The following RYR2 variants were observed in gnomAD, a reference collection of about 807,000 sequenced individuals.
The protein encoded by RYR2 is cardiac muscle ryanodine receptor-calcium release channel.
In RYR2, 227 loss-of-function variants were observed where a neutral mutation model predicts 601.1. The observed-to-expected ratio is 0.38, with a 90% confidence interval of 0.34 to 0.42. The LOEUF is 0.42. RYR2 is among the 10% of genes least tolerant of loss of function. RYR2 has a pLI of 1.00. For synonymous variants in RYR2, 2,223 were observed against 2,175.1 expected, an observed-to-expected ratio of 1.02 and a Z score of -0.61; for missense variants, 4,646 against 6,156.5, an observed-to-expected ratio of 0.75 and a Z score of 8.21.
At chr1:237,250,116 T>A (rs1280298433) in intron 1 of RYR2, among the ~76,000 whole-genome samples, 1 of 152,226 alleles carries the variant, frequency 6.6e-6, no homozygotes, top group Non-Finnish European at 1.5e-5. Flanking sequence ...GTAAACTGAA[T>A]GGCAGATTGG....
intron 1 of RYR2, among the ~76,000 whole-genome samples, chr1:237,219,062 G>A (rs904160460): frequency 6.9e-6 from 1 of 145,582 alleles, no homozygotes. Flanking sequence ...ACCCAGGCTG[G>A]AGTGCAGTGG....
intron 14 of RYR2, among the ~76,000 whole-genome samples, chr1:237,447,992 ATC>A (rs1657594408): frequency 6.7e-6 from 1 of 149,462 alleles, no homozygotes; most frequent in Non-Finnish European, 1.5e-5. Flanking sequence ...CAATGGCCCT[ATC>A]TCTGCTCACT....
chr1:237,802,155 G>C (rs1450121236), intron 98 of RYR2: 2 of 330,410 alleles, frequency 6.1e-6, no homozygotes. Context: ...ATGCAGATTT[G>C]TGAGTACGTT....
intron 8 of RYR2, among the ~76,000 whole-genome samples, chr1:237,385,817 CTGGATAACAT>C (rs1256831152): frequency 1.3e-5 from 2 of 152,164 alleles, no homozygotes; most frequent in Non-Finnish European, 2.9e-5. Context: ...TACGTGTTTA[CTGGATAACAT>C]TGCCAGATGC....
intron 41 of RYR2, 65 bp downstream of exon 41, chr1:237,628,145 G>A (rs1185366030): frequency 1.3e-6 from 2 of 1,528,150 alleles, no homozygotes; most frequent in Non-Finnish European, 1.8e-6. Context: ...TACCTATAGA[G>A]CAGTACATTA....
At chr1:237,173,133 A>G (rs1448224804) in intron 1 of RYR2, among the ~76,000 whole-genome samples, 1 of 152,100 alleles carries the variant, frequency 6.6e-6, no homozygotes, top group Non-Finnish European at 1.5e-5. Flanking sequence ...TCTGCAACCC[A>G]GGTGCCTTGA....
intron 1 of RYR2, among the ~76,000 whole-genome samples, chr1:237,055,104 T>C (rs191134371): frequency 1.3e-5 from 2 of 152,290 alleles, no homozygotes; most frequent in East Asian, 3.9e-4. Context: ...TGATCCCTCA[T>C]TCACCTCTCT....
At position 237,087,069 on chromosome 1, in the gene RYR2, C is replaced by G. The variant is rs76073687; in HGVS notation, c.48+44500C>G. Among the ~76,000 whole-genome samples the G allele has an allele frequency of 9.9e-4, 151 of 152,170 alleles. 2 individuals are homozygous for G. Among genetic ancestry groups the G allele is most frequent in the African/African-American group, 3.5e-3 (146 of 41,516 alleles). On this transcript the variant is annotated intron_variant, in intron 1 of 104. Coordinates refer to ENST00000366574, the MANE Select transcript of RYR2 (RefSeq NM_001035.3). ...CCTTGAGAAAGCAATTCTCAGCACG[C>G]GCAAGTGAAAGGCAGGAGGACCCCT...
chr1:237,086,566 T>C lies in RYR2; in HGVS notation c.48+43997T>C, dbSNP rs1666356832. Among the ~76,000 whole-genome samples, 6 of 152,206 alleles carry C rather than the reference T, an allele frequency of 3.9e-5. No homozygotes were observed. In the South Asian group the frequency reaches 1.2e-3, roughly 32 times the overall value. The stretch of plus-strand genomic sequence containing the variant: ...GTCTGTTACCTTTATCTTACTATGG[T>C]GTTATGATGGGGAGGAAAGGAAGGG... On this transcript the variant is annotated intron_variant, in intron 1 of 104. Coordinates refer to ENST00000366574, the MANE Select transcript of RYR2 (RefSeq NM_001035.3).
chr1:237,558,829 G>A (rs890417801), intron 27 of RYR2, among the ~76,000 whole-genome samples: 4 of 151,956 alleles, frequency 2.6e-5, no homozygotes, highest in African/African-American at 9.7e-5. Flanking sequence ...CTTGACTAAC[G>A]GACTTATCTT....
At chr1:237,193,003 A>G (rs1347085681) in intron 1 of RYR2, among the ~76,000 whole-genome samples, 1 of 151,898 alleles carries the variant, frequency 6.6e-6, no homozygotes, top group Non-Finnish European at 1.5e-5. Flanking sequence ...TTTCTCTAAA[A>G]ATTACCTTTC....
At chr1:237,309,893 G>A (rs892770439) in intron 2 of RYR2, among the ~76,000 whole-genome samples, 6 of 152,170 alleles carry the variant, frequency 3.9e-5, no homozygotes, top group African/African-American at 1.4e-4. Flanking sequence ...CACTGCCCGG[G>A]GCCGGCAGTG....
In RYR2 at chr1:237,371,346, G is replaced by A. The variant is rs201590199; in HGVS notation, c.384+1738G>A. Among the ~76,000 whole-genome samples, 4 of 151,816 alleles carry A rather than the reference G, an allele frequency of 2.6e-5. No individual in the cohort carries two copies. The East Asian group carries it at 7.9e-4, about 30-fold the overall frequency. ...AATTTTTAAATTTATTGTAGAGATG[G>A]GAGTCTCACCATCTTTCCTAAGCTG... On this transcript the variant is annotated intron_variant, in intron 6 of 104. Coordinates refer to ENST00000366574, the MANE Select transcript of RYR2 (RefSeq NM_001035.3).
chr1:237,208,948 A>ATGTGTG (rs60860953), intron 1 of RYR2, among the ~76,000 whole-genome samples: 3,252 of 94,202 alleles, frequency 0.035, 122 homozygotes, highest in Non-Finnish European at 0.051. Flanking sequence ...ATATATATAT[A>ATGTGTG]TATATATATA....
At chr1:237,422,839 G>A (rs540856660) in intron 11 of RYR2, among the ~76,000 whole-genome samples, 5 of 152,208 alleles carry the variant, frequency 3.3e-5, no homozygotes, top group Admixed American at 6.5e-5. Context: ...TGGATGGTAC[G>A]GCATTTAAGT....
intron 16 of RYR2, among the ~76,000 whole-genome samples, chr1:237,458,793 TATTTGAAA>T (rs1659140705): frequency 6.6e-6 from 1 of 151,842 alleles, no homozygotes; most frequent in South Asian, 2.1e-4. Context: ...TTAGTCAAAA[TATTTGAAA>T]ATTCTTTACA....
chr1:237,432,013 T>A (rs1450131539), intron 12 of RYR2, among the ~76,000 whole-genome samples: 2 of 152,144 alleles, frequency 1.3e-5, no homozygotes, highest in Non-Finnish European at 2.9e-5. Context: ...ACTGTAAAGC[T>A]CCTATCATTT....
chr1:237,333,648 G>A (rs1241868535), intron 3 of RYR2: 4 of 455,898 alleles, frequency 8.8e-6, no homozygotes, highest in Non-Finnish European at 1.8e-5. Context: ...TGTGACTCAT[G>A]GATGCTGCTG....
intron 1 of RYR2, among the ~76,000 whole-genome samples, chr1:237,148,181 G>C (rs552985024): frequency 6.6e-6 from 1 of 152,270 alleles, no homozygotes; most frequent in South Asian, 2.1e-4. Context: ...AAACAAGATA[G>C]TTAATAAAAC....
Sources: allele counts gnomAD v4.1 joint callset (sites outside exome capture counted in the v4.1 genomes callset), GRCh38; gene constraint gnomAD v4.1.1; transcripts MANE v1.5; gene names NCBI Gene and HGNC (gene_info 2026-07-23, HGNC 2026-07-21).